SNRPN: variants seen among roughly 807,000 people sequenced by gnomAD.
SNRPN encodes small nuclear ribonucleoprotein-associated protein N.
In SNRPN, 7 loss-of-function variants were observed where a neutral mutation model predicts 25.2. The observed-to-expected ratio is 0.28, with a 90% CI of 0.16 to 0.52. The LOEUF (loss-of-function observed/expected upper bound fraction) is 0.52. Among genes scored for constraint, SNRPN ranks in the 20% least tolerant of loss-of-function variants. SNRPN has a pLI of 0.96. For synonymous variants in SNRPN, 124 were observed against 110.6 expected (o/e 1.12, Z -0.76); for missense variants, 196 against 322.5 (o/e 0.61, Z 3.00).
At chr15:24,834,751 C>CTCTCTCTATATATA in intron 2 of SNRPN, among the ~76,000 whole-genome samples, 126 of 60,944 alleles carry the variant, frequency 2.1e-3, no homozygotes, top group Non-Finnish European at 3.4e-3. Context: ...CTCTCTCTCT[C>CTCTCTCTATATATA]TATATATATA....
chr15:24,889,595 G>A lies in SNRPN; in HGVS notation c.-505+3006G>A, dbSNP rs576038077. ...GCTGGGATTACAGGCATGAGCCACC[G>A]TGCCCGGCCCTAACACGAATTCTTA... On this transcript the variant is annotated intron_variant, in intron 2 of 11. Transcript: ENST00000400097. Among the ~76,000 whole-genome samples, 29 of 150,894 alleles carry A rather than the reference G, an allele frequency of 1.9e-4. No individual in the cohort carries two copies. In the South Asian group the frequency reaches 5.4e-3, roughly 28 times the overall value.
chr15:24,919,441 A>AAG (rs2059911198), intron 2 of SNRPN, among the ~76,000 whole-genome samples: 1 of 151,458 alleles, frequency 6.6e-6, no homozygotes, highest in African/African-American at 2.4e-5. Flanking sequence ...AAAAAAAAAA[A>AAG]AAAAATATTC....
intron 2 of SNRPN, among the ~76,000 whole-genome samples, chr15:24,902,169 AG>A (rs1228796681): frequency 6.6e-6 from 1 of 152,168 alleles, no homozygotes; most frequent in African/African-American, 2.4e-5. Context: ...GTAGATGGAG[AG>A]GTGAATGAAA....
At chr15:24,837,471 C>A (rs1430203194) in intron 2 of SNRPN, among the ~76,000 whole-genome samples, 1 of 148,924 alleles carries the variant, frequency 6.7e-6, no homozygotes, top group African/African-American at 2.5e-5. Flanking sequence ...TGGGTTCACG[C>A]CATTCTCCTG....
intron 3 of SNRPN, among the ~76,000 whole-genome samples, chr15:24,925,228 A>T (rs1255076098): frequency 2.6e-5 from 4 of 152,182 alleles, no homozygotes; most frequent in African/African-American, 9.7e-5. Context: ...ACTAGCTTAT[A>T]AAGGGCCCCT....
rs1297827382 is a variant in SNRPN, at chr15:24,975,515, G to T, written c.155+6G>T. On this transcript the variant is annotated splice_donor_region_variant and intron_variant, in intron 5 of 9. Transcript: ENST00000390687. Reference sequence around the variant, plus strand: ...GATGAGTTCAGAAAGATCAAGTAAGGCTGATTTGGGCAAATGGGGGTTGGA... The same window carrying T: ...GATGAGTTCAGAAAGATCAAGTAAGTCTGATTTGGGCAAATGGGGGTTGGA... The T allele has an allele frequency of 6.2e-7, 1 of 1,611,754 alleles. No individual in the cohort carries two copies. Among genetic ancestry groups the T allele is most frequent in the South Asian group, 1.1e-5 (1 of 90,944 alleles).
chr15:24,839,900 A>T (rs2051540412), intron 2 of SNRPN, among the ~76,000 whole-genome samples: 1 of 152,142 alleles, frequency 6.6e-6, no homozygotes, highest in African/African-American at 2.4e-5. Flanking sequence ...CACCACTTCC[A>T]TTTGATAAGT....
At chr15:24,856,289 T>A (rs1247321107), upstream of SNRPN, among the ~76,000 whole-genome samples, 1 of 152,188 alleles carries the variant, frequency 6.6e-6, no homozygotes, top group Non-Finnish European at 1.5e-5. Context: ...GTCTTTAATG[T>A]TCTTGTGAAT....
At chr15:24,940,164 T>G (rs1320765101) in intron 3 of SNRPN, among the ~76,000 whole-genome samples, 1 of 152,212 alleles carries the variant, frequency 6.6e-6, no homozygotes, top group Admixed American at 6.5e-5. Flanking sequence ...TCCCATTCTG[T>G]GTGTTGCCTT....
chr15:24,933,724 AGAG>A (rs1439255674), intron 3 of SNRPN, among the ~76,000 whole-genome samples: 1 of 152,238 alleles, frequency 6.6e-6, no homozygotes. Flanking sequence ...GAGAAACAGA[AGAG>A]GAGACAAGGT....
chr15:24,933,531 A>G (rs903174776), intron 3 of SNRPN, among the ~76,000 whole-genome samples: 1 of 152,056 alleles, frequency 6.6e-6, no homozygotes, highest in Non-Finnish European at 1.5e-5. Flanking sequence ...TAATCCCAGC[A>G]CTTCAGGATG....
At chr15:24,934,026 G>A (rs1282119633) in intron 3 of SNRPN, among the ~76,000 whole-genome samples, 6 of 152,026 alleles carry the variant, frequency 3.9e-5, no homozygotes, top group East Asian at 1.9e-4. Context: ...AGCCAGGTGC[G>A]GTGGCTCACA....
At chr15:24,867,265 T>C (rs2054653927) in intron 1 of SNRPN, among the ~76,000 whole-genome samples, 1 of 152,326 alleles carries the variant, frequency 6.6e-6, no homozygotes, top group South Asian at 2.1e-4. Flanking sequence ...AGGGGTTTCC[T>C]TTACAACACC....
chr15:24,831,353 A>T (rs577370918), intron 2 of SNRPN, among the ~76,000 whole-genome samples: 1 of 152,094 alleles, frequency 6.6e-6, no homozygotes, highest in South Asian at 2.1e-4. Flanking sequence ...AATTGACAAA[A>T]TTTGAGGTAT....
chr15:24,849,169 G>A (rs975524296), intron 2 of SNRPN: 1 of 152,294 alleles, frequency 6.6e-6, no homozygotes, highest in Non-Finnish European at 1.5e-5. Flanking sequence ...CTGACTTCGT[G>A]ATCCACCCGC....
rs190136554 is a variant in SNRPN, at chr15:24,918,594, A to G, written c.-504-1417A>G. 8.2e-3 allele frequency among the ~76,000 whole-genome samples: 525 copies of G among 64,098 alleles called. 17 individuals are homozygous for G. Among genetic ancestry groups the G allele is most frequent in the African/African-American group, 0.025 (374 of 15,264 alleles). 42.1% of individuals were successfully genotyped at this position (64,098 alleles called of 152,430 possible). ...TATGTATATATATAACATAATATAT[A>G]TGTATATATATAACATAATATATAT... On this transcript the variant is annotated intron_variant, in intron 2 of 11. Transcript: ENST00000400097.
rs182889618 is a variant in SNRPN at position 24,959,122 on chromosome 15, G to A, written c.-390-2992G>A. On this transcript the variant is annotated intron_variant, in intron 1 of 9. Coordinates refer to ENST00000390687, the MANE Select transcript of SNRPN (RefSeq NM_003097.6). ...GCTTTTTGCTTTTCAATATATTTCC[G>A]GATTATTACTTTCAGTGTAAGTGAT... 5.1e-3 allele frequency among the ~76,000 whole-genome samples: 783 copies of A among 152,088 alleles called. 3 individuals carry two copies. The highest frequency in any genetic ancestry group is 8.5e-3 in the Non-Finnish European group (578 of 67,994).
upstream of SNRPN, among the ~76,000 whole-genome samples, chr15:24,953,881 C>T (rs2062474911): frequency 6.6e-6 from 1 of 152,064 alleles, no homozygotes. Context: ...GATTTTGTTA[C>T]GATAGAAGTC....
At chr15:24,857,986 C>T (rs1185249856) in intron 1 of SNRPN, among the ~76,000 whole-genome samples, 1 of 151,916 alleles carries the variant, frequency 6.6e-6, no homozygotes, top group Non-Finnish European at 1.5e-5. Context: ...CCGGTTGGGG[C>T]CATAAGATCA....
Sources: allele counts gnomAD v4.1 joint callset (sites outside exome capture counted in the v4.1 genomes callset), GRCh38; gene constraint gnomAD v4.1.1; transcripts MANE v1.5; gene names NCBI Gene and HGNC (gene_info 2026-07-23, HGNC 2026-07-21).